The following FOXP1 variants were observed in gnomAD, a reference collection of about 807,000 sequenced individuals.
The protein encoded by FOXP1 is forkhead box protein P1.
Under a neutral mutation model 98.2 loss-of-function variants are expected in FOXP1, and 15 were observed. The observed-to-expected ratio is 0.15, with a 90% CI of 0.10 to 0.24. FOXP1 has a LOEUF of 0.24. Ranked by LOEUF, FOXP1 falls within the 10% of genes least tolerant of loss-of-function variation. FOXP1 has a pLI of 1.00. For missense variants in FOXP1, 633 were observed against 848.5 expected (o/e 0.75, Z 3.15); for synonymous variants, 371 against 314.5 (o/e 1.18, Z -1.90).
At chr3:70,962,296 A>C (rs1373250476) in intron 20 of FOXP1, among the ~76,000 whole-genome samples, 2 of 152,206 alleles carry the variant, frequency 1.3e-5, no homozygotes, top group Non-Finnish European at 2.9e-5. Flanking sequence ...TAATACAATG[A>C]CCACTTTTAT....
intron 3 of FOXP1, among the ~76,000 whole-genome samples, chr3:71,381,212 G>A (rs1342346867): frequency 1.4e-5 from 2 of 145,794 alleles, no homozygotes; most frequent in Non-Finnish European, 3.0e-5. Flanking sequence ...GTTCAGTGAT[G>A]TGATCTCGGC....
At chr3:71,497,198 C>T (rs1328648605) in intron 2 of FOXP1, among the ~76,000 whole-genome samples, 2 of 152,104 alleles carry the variant, frequency 1.3e-5, no homozygotes, top group Non-Finnish European at 2.9e-5. Flanking sequence ...GAAACCCCCA[C>T]CCGCCTACGT....
chr3:71,226,400 G>C (rs1202083134), intron 5 of FOXP1, among the ~76,000 whole-genome samples: 1 of 152,136 alleles, frequency 6.6e-6, no homozygotes, highest in East Asian at 1.9e-4. Flanking sequence ...TGGGCTACTT[G>C]CCTCAGGCCC....
intron 14 of FOXP1, among the ~76,000 whole-genome samples, chr3:70,984,531 C>T (rs539611621): frequency 6.6e-6 from 1 of 152,288 alleles, no homozygotes; most frequent in South Asian, 2.1e-4. Context: ...CTCTGAACAC[C>T]TCCATGGCAG....
chr3:71,582,267 G>C (rs2107903047), intron 1 of FOXP1: 1 of 984,878 alleles, frequency 1.0e-6, no homozygotes, highest in African/African-American at 1.7e-5. Context: ...AAGTTTCCGA[G>C]CGCGACGTTG....
intron 7 of FOXP1, among the ~76,000 whole-genome samples, chr3:71,083,454 A>G (rs77018669): frequency 0.042 from 6,465 of 152,306 alleles, 475 homozygotes; most frequent in African/African-American, 0.15. Context: ...GTGACACAAG[A>G]ACAGCCTAAC....
chr3:71,245,561 A>G (rs1422681098), intron 5 of FOXP1, among the ~76,000 whole-genome samples: 1 of 76,532 alleles, frequency 1.3e-5, no homozygotes, highest in Non-Finnish European at 2.7e-5. Context: ...TTCTCTACCC[A>G]CCCACCCCCT....
chr3:71,488,231 A>C (rs930330482), intron 3 of FOXP1, among the ~76,000 whole-genome samples: 1 of 152,256 alleles, frequency 6.6e-6, no homozygotes, highest in Non-Finnish European at 1.5e-5. Context: ...ACAATGTTAC[A>C]GCTTCTGAAT....
intron 3 of FOXP1, among the ~76,000 whole-genome samples, chr3:71,361,864 T>C (rs765197754): frequency 2.0e-5 from 3 of 152,196 alleles, no homozygotes; most frequent in Non-Finnish European, 4.4e-5. Context: ...GTTTCATGAA[T>C]AGTAAATTTG....
intron 11 of FOXP1, among the ~76,000 whole-genome samples, chr3:71,017,129 T>A (rs2044617565): frequency 6.6e-6 from 1 of 152,156 alleles, no homozygotes; most frequent in African/African-American, 2.4e-5. Context: ...GTGAGATTTA[T>A]GAAGCCAAAC....
chr3:71,440,981 T>C (rs73837168), intron 3 of FOXP1, among the ~76,000 whole-genome samples: 5,100 of 152,310 alleles, frequency 0.033, 281 homozygotes, highest in African/African-American at 0.12. Context: ...ATGGAAAGCA[T>C]GCACCAGGTA....
intron 7 of FOXP1, among the ~76,000 whole-genome samples, chr3:71,064,032 G>A (rs1218062619): frequency 2.6e-5 from 4 of 152,084 alleles, no homozygotes; most frequent in African/African-American, 9.7e-5. Flanking sequence ...TCAGCTGGGA[G>A]TACCCCGTGG....
At chr3:71,164,688 TCACGTGTA>T (rs1338013317) in intron 6 of FOXP1, among the ~76,000 whole-genome samples, 2 of 152,240 alleles carry the variant, frequency 1.3e-5, no homozygotes, top group Admixed American at 6.5e-5. Flanking sequence ...GCTAATCTCT[TCACGTGTA>T]CACATTTTTT....
chr3:70,992,127 A>G (rs1322499975), intron 13 of FOXP1, among the ~76,000 whole-genome samples: 1 of 152,186 alleles, frequency 6.6e-6, no homozygotes, highest in Non-Finnish European at 1.5e-5. Context: ...TCACCTAAAC[A>G]TGCTGGAGCC....
At chr3:71,497,184 GA>G (rs1205881001) in intron 2 of FOXP1, among the ~76,000 whole-genome samples, 2 of 151,796 alleles carry the variant, frequency 1.3e-5, no homozygotes, top group African/African-American at 4.8e-5. Context: ...AGAAAAAAAT[GA>G]CAGAAACCCC....
At chr3:71,028,325 G>A (rs1215158741) in intron 11 of FOXP1, among the ~76,000 whole-genome samples, 2 of 152,166 alleles carry the variant, frequency 1.3e-5, no homozygotes, top group East Asian at 1.9e-4. Context: ...GATACCAGGT[G>A]GGGACGTTGT....
chr3:71,091,631 A>T (rs2055859504), intron 7 of FOXP1, among the ~76,000 whole-genome samples: 1 of 152,242 alleles, frequency 6.6e-6, no homozygotes, highest in Admixed American at 6.5e-5. Context: ...ATTAAGCTTA[A>T]TTGTCTCATC....
chr3:71,187,499 C>T (rs532265452), intron 6 of FOXP1, among the ~76,000 whole-genome samples: 35 of 152,284 alleles, frequency 2.3e-4, no homozygotes, highest in Non-Finnish European at 5.1e-4. Flanking sequence ...AGGAGAATCA[C>T]TTGAACCTGG....
intron 2 of FOXP1, chr3:71,573,467 C>G (rs2047493399): frequency 6.6e-6 from 1 of 151,416 alleles, no homozygotes; most frequent in South Asian, 2.1e-4. Flanking sequence ...CTTGCTTCTA[C>G]AAGTATAAGA....
Sources: allele counts gnomAD v4.1 joint callset (sites outside exome capture counted in the v4.1 genomes callset), GRCh38; gene constraint gnomAD v4.1.1; transcripts MANE v1.5; gene names NCBI Gene and HGNC (gene_info 2026-07-23, HGNC 2026-07-21).